SYN3: variants seen among roughly 807,000 people sequenced by gnomAD.
The protein encoded by SYN3 is synapsin-3.
SYN3 carries 35 observed loss-of-function variants against 65.8 expected under a neutral mutation model. That is an observed-to-expected ratio of 0.53 (90% CI 0.41 to 0.70). SYN3 has a LOEUF of 0.70. Among genes scored for constraint, SYN3 ranks in the 30% least tolerant of loss-of-function variants. The pLI is 0.00. For synonymous variants in SYN3, 270 were observed against 292.9 expected, an observed-to-expected ratio of 0.92 and a Z score of 0.80; for missense variants, 680 against 749.0, an observed-to-expected ratio of 0.91 and a Z score of 1.08.
At chr22:32,873,522 T>C (rs1311304836) in intron 4 of SYN3, among the ~76,000 whole-genome samples, 1 of 152,156 alleles carries the variant, frequency 6.6e-6, no homozygotes, top group Admixed American at 6.5e-5. Flanking sequence ...GCTGGTTTTA[T>C]CTGCTCTGTA....
rs55902630 is a variant in SYN3 at position 32,935,438 on chromosome 22, T to C, written c.370-3957A>G. On this transcript the variant is annotated intron_variant, in intron 3 of 13. Coordinates refer to ENST00000358763, the MANE Select transcript of SYN3 (RefSeq NM_003490.4). ...CAAATTATTTTGACCTCTAAGGCTT[T>C]TGGTATGGTATTTTTTTTTTTTTTT... Among the ~76,000 whole-genome samples the C allele has an allele frequency of 9.9e-3, 1,482 of 150,286 alleles. 31 individuals carry two copies. Among genetic ancestry groups the C allele is most frequent in the African/African-American group, 0.035 (1,402 of 40,608 alleles).
intron 4 of SYN3, among the ~76,000 whole-genome samples, chr22:32,923,145 C>T (rs1017434646): frequency 2.0e-5 from 3 of 152,128 alleles, no homozygotes; most frequent in Non-Finnish European, 2.9e-5. Flanking sequence ...TATAATTTCC[C>T]AGTCTATGGC....
At chr22:32,701,420 A>G (rs186388026) in intron 6 of SYN3, among the ~76,000 whole-genome samples, 1 of 152,234 alleles carries the variant, frequency 6.6e-6, no homozygotes, top group Non-Finnish European at 1.5e-5. Context: ...AAAGCAGAAA[A>G]ATATAACCCA....
In SYN3 at chr22:32,582,050, G is replaced by A. The variant is rs1017607144; in HGVS notation, c.774+14624C>T. Among the ~76,000 whole-genome samples, 4 of 151,740 alleles carry A rather than the reference G, an allele frequency of 2.6e-5. No homozygotes were observed. In the East Asian group the frequency reaches 5.8e-4, roughly 22 times the overall value. On this transcript the variant is annotated intron_variant, in intron 7 of 13. Transcript: ENST00000358763. Reference sequence around the variant, plus strand: ...CCTGACCTTGTGATCCACCCATCTCGGCCTCCCAAAATGCTGGGATTATAG... The same window carrying A: ...CCTGACCTTGTGATCCACCCATCTCAGCCTCCCAAAATGCTGGGATTATAG...
At chr22:32,997,836 C>T (rs1444537213) in intron 2 of SYN3, among the ~76,000 whole-genome samples, 2 of 151,988 alleles carry the variant, frequency 1.3e-5, no homozygotes, top group Non-Finnish European at 2.9e-5. Context: ...ACCATCCTGG[C>T]TAACACGGTG....
rs57322960 is a variant in SYN3 at position 32,912,370 on chromosome 22, G to A, written c.461+19020C>T. On this transcript the variant is annotated intron_variant, in intron 4 of 13. Transcript: ENST00000358763. ...GGATAGGAAAGAAGAGATGAAGATT[G>A]AAGAGCTGAGAAAAATGTGGCTGAA... Among the ~76,000 whole-genome samples the A allele has an allele frequency of 7.8e-3, 1,169 of 150,838 alleles. 18 individuals are homozygous for A. Among genetic ancestry groups the A allele is most frequent in the African/African-American group, 0.027 (1,119 of 41,356 alleles).
At position 32,513,924 on chromosome 22, in the gene SYN3, C is replaced by T. The variant is rs191453105; in HGVS notation, c.1611-100G>A. Reference sequence around the variant, plus strand: ...TGTAAGCCAGATGGGCTACCCCAATCATCATAAGGTTATGAAGACCAGAAA... The same window carrying T: ...TGTAAGCCAGATGGGCTACCCCAATTATCATAAGGTTATGAAGACCAGAAA... On this transcript the variant is annotated intron_variant, in intron 13 of 13. Coordinates refer to ENST00000358763, the MANE Select transcript of SYN3 (RefSeq NM_003490.4). The T allele has an allele frequency of 2.8e-4, 416 of 1,480,334 alleles. No homozygotes were observed. The African/African-American group carries it at 5.3e-3, about 19-fold the overall frequency. The allele number at this position is 1,480,334 out of a possible 1,614,324, so 91.7% of individuals were successfully genotyped here.
chr22:32,595,919 A>G (rs1209989781), intron 7 of SYN3, among the ~76,000 whole-genome samples: 3 of 152,194 alleles, frequency 2.0e-5, no homozygotes, highest in African/African-American at 7.2e-5. Context: ...TTTACTAAAA[A>G]TACAAAAATT....
intron 6 of SYN3, among the ~76,000 whole-genome samples, chr22:32,739,375 C>G (rs1444017265): frequency 1.7e-5 from 1 of 59,280 alleles, no homozygotes; most frequent in African/African-American, 5.6e-5. Flanking sequence ...TTAAACCCCC[C>G]CTTTTTTTTT....
chr22:32,857,763 T>G (rs2146288099), intron 6 of SYN3, among the ~76,000 whole-genome samples: 1 of 152,326 alleles, frequency 6.6e-6, no homozygotes, highest in East Asian at 1.9e-4. Context: ...TGGCCTCTAG[T>G]CCTAGCTCCA....
At chr22:32,670,773 C>T (rs2060349352) in intron 6 of SYN3, among the ~76,000 whole-genome samples, 1 of 152,204 alleles carries the variant, frequency 6.6e-6, no homozygotes, top group African/African-American at 2.4e-5. Context: ...CAGAATGTGG[C>T]TATGTGGATT....
At chr22:32,977,413 T>C (rs2052233186) in intron 3 of SYN3, among the ~76,000 whole-genome samples, 2 of 152,162 alleles carry the variant, frequency 1.3e-5, no homozygotes, top group Admixed American at 6.5e-5. Context: ...GGCAACCAAG[T>C]ATCTACCAGA....
intron 6 of SYN3, among the ~76,000 whole-genome samples, chr22:32,736,470 T>C (rs1256770627): frequency 6.6e-6 from 1 of 152,244 alleles, no homozygotes; most frequent in Non-Finnish European, 1.5e-5. Context: ...ATTATTTTGA[T>C]AATATTATCC....
intron 6 of SYN3, among the ~76,000 whole-genome samples, chr22:32,778,020 G>A (rs1210359526): frequency 1.3e-5 from 2 of 152,154 alleles, no homozygotes; most frequent in Non-Finnish European, 2.9e-5. Context: ...AGGCCCCTAC[G>A]TGTTAGAATA....
At chr22:32,733,185 A>G (rs769536832) in intron 6 of SYN3, among the ~76,000 whole-genome samples, 11 of 152,194 alleles carry the variant, frequency 7.2e-5, no homozygotes, top group Non-Finnish European at 1.2e-4. Flanking sequence ...AGAAGTCTAA[A>G]TCTAATGCCA....
At chr22:33,049,994 C>T (rs916580623) in intron 1 of SYN3, among the ~76,000 whole-genome samples, 2 of 152,210 alleles carry the variant, frequency 1.3e-5, no homozygotes, top group East Asian at 1.9e-4. Context: ...CTAAATGCAA[C>T]TCACTCACCC....
intron 6 of SYN3, among the ~76,000 whole-genome samples, chr22:32,742,923 A>G (rs1193674965): frequency 6.6e-6 from 1 of 152,240 alleles, no homozygotes; most frequent in Non-Finnish European, 1.5e-5. Context: ...GTATTAGCTC[A>G]TTAAATCCTC....
chr22:32,643,648 C>T (rs988078003), intron 6 of SYN3, among the ~76,000 whole-genome samples: 3 of 150,918 alleles, frequency 2.0e-5, no homozygotes, highest in Non-Finnish European at 2.9e-5. Flanking sequence ...CAGAAGACCC[C>T]ATGTTCAAAT....
intron 6 of SYN3, among the ~76,000 whole-genome samples, chr22:32,700,911 C>A (rs2060802597): frequency 6.6e-6 from 1 of 152,200 alleles, no homozygotes; most frequent in Admixed American, 6.5e-5. Flanking sequence ...TAAGTGACAC[C>A]ATCATTTACT....
Sources: gnomAD v4.1 joint callset for allele counts (sites outside exome capture counted in the v4.1 genomes callset) on GRCh38, gnomAD v4.1.1 for gene constraint, MANE v1.5 for transcripts, NCBI Gene and HGNC (gene_info 2026-07-23, HGNC 2026-07-21) for gene names.